SCHIP1: variants seen among roughly 807,000 people sequenced by gnomAD.
The protein encoded by SCHIP1 is schwannomin-interacting protein 1.
A neutral mutation model predicts 29.7 loss-of-function variants in SCHIP1; 8 were observed. That is an observed-to-expected ratio of 0.27 (90% CI 0.16 to 0.49). SCHIP1 has a LOEUF of 0.49. SCHIP1 is among the 20% of genes least tolerant of loss of function. The probability of loss-of-function intolerance (pLI) is 0.99; values close to 1 mark genes in which losing one functional copy is unlikely to be tolerated. For synonymous variants in SCHIP1, 76 were observed against 94.9 expected (o/e 0.80, Z 1.16); for missense variants, 193 against 294.6 (o/e 0.66, Z 2.52).
chr3:159,489,053 A>G, the SCHIP1 span, among the ~76,000 whole-genome samples: 1 of 152,310 alleles, frequency 6.6e-6, no homozygotes, highest in East Asian at 1.9e-4. Flanking sequence ...GCTCCTCTAT[A>G]TGCAATGATA....
chr3:159,736,600 A>G, the SCHIP1 span, among the ~76,000 whole-genome samples: 1 of 152,180 alleles, frequency 6.6e-6, no homozygotes, highest in Non-Finnish European at 1.5e-5. Context: ...TCAAAGCTGC[A>G]CTTGAAACAA....
chr3:159,712,710 G>A, the SCHIP1 span, among the ~76,000 whole-genome samples: 1 of 149,156 alleles, frequency 6.7e-6, no homozygotes, highest in Non-Finnish European at 1.5e-5. Flanking sequence ...AAAAAGGAAA[G>A]GAAAGGAAGG....
chr3:159,768,603 A>G, the SCHIP1 span: 2 of 152,280 alleles, frequency 1.3e-5, no homozygotes, highest in African/African-American at 2.4e-5. Context: ...TAGAAAACTA[A>G]TCTCTCTCTT....
At chr3:159,460,811 T>C in the SCHIP1 span, among the ~76,000 whole-genome samples, 1 of 152,070 alleles carries the variant, frequency 6.6e-6, no homozygotes, top group Non-Finnish European at 1.5e-5. Flanking sequence ...TGGCTGGAGA[T>C]AAAATAGGAA....
chr3:159,789,629 T>C, the SCHIP1 span, among the ~76,000 whole-genome samples: 1 of 152,164 alleles, frequency 6.6e-6, no homozygotes, highest in Non-Finnish European at 1.5e-5. Flanking sequence ...GCCCCAAAAT[T>C]TGTATTTCAA....
chr3:159,432,339 T>TGTGAGA, the SCHIP1 span, among the ~76,000 whole-genome samples: 2 of 69,368 alleles, frequency 2.9e-5, no homozygotes, highest in Admixed American at 1.6e-4. Flanking sequence ...TGTGTGTGTG[T>TGTGAGA]GAGAGAGAGA....
the SCHIP1 span, among the ~76,000 whole-genome samples, chr3:159,446,118 G>C: frequency 1.3e-5 from 2 of 151,972 alleles, no homozygotes; most frequent in African/African-American, 4.8e-5. Context: ...TTACCCTTTA[G>C]GCCGGTGGTT....
At chr3:159,843,001 C>CTTTCTTTTTTTT (rs1744397594) in intron 1 of SCHIP1, among the ~76,000 whole-genome samples, 1 of 63,710 alleles carries the variant, frequency 1.6e-5, no homozygotes, top group African/African-American at 4.7e-5. Flanking sequence ...ATATTTCTTT[C>CTTTCTTTTTTTT]TTTTTTTTTT....
chr3:159,580,481 G>A, the SCHIP1 span, among the ~76,000 whole-genome samples: 3 of 152,180 alleles, frequency 2.0e-5, no homozygotes, highest in Non-Finnish European at 4.4e-5. Flanking sequence ...ACGGAGAGAC[G>A]TGGCTGCTTC....
the SCHIP1 span, among the ~76,000 whole-genome samples, chr3:159,736,892 G>A: frequency 6.6e-6 from 1 of 152,090 alleles, no homozygotes; most frequent in Non-Finnish European, 1.5e-5. Flanking sequence ...CCGCCACCAC[G>A]CCCGGCTAAT....
chr3:159,648,496 GCACAGTGCTAGA>G, the SCHIP1 span, among the ~76,000 whole-genome samples: 3 of 152,140 alleles, frequency 2.0e-5, no homozygotes, highest in African/African-American at 7.2e-5. Context: ...AATATGTTTA[GCACAGTGCTAGA>G]CACATAACAA....
At chr3:159,607,073 A>G in the SCHIP1 span, among the ~76,000 whole-genome samples, 1 of 152,224 alleles carries the variant, frequency 6.6e-6, no homozygotes, top group Non-Finnish European at 1.5e-5. Context: ...TAAACTGCAA[A>G]AGAACAGTCT....
At chr3:159,425,009 C>T in the SCHIP1 span, among the ~76,000 whole-genome samples, 2 of 151,458 alleles carry the variant, frequency 1.3e-5, no homozygotes, top group South Asian at 4.2e-4. Context: ...TTTGTCACCA[C>T]CAGGCCTGCC....
chr3:159,809,000 A>G, the SCHIP1 span, among the ~76,000 whole-genome samples: 1 of 98,368 alleles, frequency 1.0e-5, no homozygotes, highest in East Asian at 3.5e-4. Context: ...TTTTTTTTTT[A>G]TTATACTTTA....
chr3:159,720,266 A>G, the SCHIP1 span, among the ~76,000 whole-genome samples: 1 of 151,998 alleles, frequency 6.6e-6, no homozygotes, highest in South Asian at 2.1e-4. Flanking sequence ...GAATAGCATT[A>G]GGAGAAACAC....
At chr3:159,360,231 T>C in the SCHIP1 span, among the ~76,000 whole-genome samples, 3 of 152,212 alleles carry the variant, frequency 2.0e-5, no homozygotes, top group African/African-American at 7.2e-5. Flanking sequence ...TAGCAGGGCA[T>C]CAGCAGTATC....
chr3:159,829,318 T>C, the SCHIP1 span, among the ~76,000 whole-genome samples: 3 of 152,176 alleles, frequency 2.0e-5, no homozygotes, highest in African/African-American at 7.2e-5. Flanking sequence ...AAACCCAGGG[T>C]TGCTGGAGAT....
the SCHIP1 span, among the ~76,000 whole-genome samples, chr3:159,637,659 G>C: frequency 2.0e-5 from 3 of 152,128 alleles, no homozygotes; most frequent in Non-Finnish European, 4.4e-5. Context: ...GACACACAGA[G>C]GCCCAAAATC....
At chr3:159,608,171 T>C in the SCHIP1 span, among the ~76,000 whole-genome samples, 2 of 152,200 alleles carry the variant, frequency 1.3e-5, no homozygotes, top group East Asian at 1.9e-4. Context: ...CAGAAAGCCA[T>C]GATGATGTAT....
Sources: allele counts gnomAD v4.1 joint callset (sites outside exome capture counted in the v4.1 genomes callset), GRCh38; gene constraint gnomAD v4.1.1; transcripts MANE v1.5; gene names NCBI Gene and HGNC (gene_info 2026-07-23, HGNC 2026-07-21).